Variants in DLGAP2 observed in about 807,000 individuals in gnomAD.
DLGAP2 encodes the protein disks large-associated protein 2.
DLGAP2 carries 26 observed loss-of-function variants against 100.3 expected under a neutral mutation model. The observed-to-expected ratio is 0.26, with a 90% CI of 0.19 to 0.36. The LOEUF (loss-of-function observed/expected upper bound fraction) is 0.36, where lower values mean the gene tolerates loss of function less well. Among genes scored for constraint, DLGAP2 ranks in the 10% least tolerant of loss-of-function variants. The probability of loss-of-function intolerance (pLI) is 1.00; values close to 1 mark genes in which losing one functional copy is unlikely to be tolerated. For synonymous variants in DLGAP2, 886 were observed against 630.1 expected, an observed-to-expected ratio of 1.41 and a Z score of -6.08; for missense variants, 1,858 against 1,453.2, an observed-to-expected ratio of 1.28 and a Z score of -4.53.
At chr8:768,889 A>G (rs1281257468) in intron 1 of DLGAP2, among the ~76,000 whole-genome samples, 1 of 152,160 alleles carries the variant, frequency 6.6e-6, no homozygotes, top group African/African-American at 2.4e-5. Flanking sequence ...AGGAGAACGC[A>G]GTCTGTGTGG....
At chr8:1,149,751 C>T (rs957445606) in intron 2 of DLGAP2, among the ~76,000 whole-genome samples, 1 of 152,308 alleles carries the variant, frequency 6.6e-6, no homozygotes, top group Admixed American at 6.5e-5. Context: ...CCCTTTCTTG[C>T]ATCCAGTTGT....
chr8:876,275 A>G (rs534595720), intron 1 of DLGAP2, among the ~76,000 whole-genome samples: 1 of 152,320 alleles, frequency 6.6e-6, no homozygotes, highest in African/African-American at 2.4e-5. Flanking sequence ...ACTTGCTTTC[A>G]GCCTCAAGAA....
rs1310068322 is a variant in DLGAP2 at position 1,027,991 on chromosome 8, A to G, written c.73+120025A>G. Among the ~76,000 whole-genome samples the G allele has an allele frequency of 8.2e-3, 646 of 78,898 alleles. 1 individual carries two copies. Among genetic ancestry groups the G allele is most frequent in the Middle Eastern group, 0.024 (2 of 82 alleles). The allele number at this position is 78,898 out of a possible 152,430, so 51.8% of individuals were successfully genotyped here. ...TCTCTAGGTGGGGTGTCAGGCGCCC[A>G]TTATTCTCCAGGAGCAGTGCCAGGT... is the stretch of plus-strand genomic sequence containing the variant. On this transcript the variant is annotated intron_variant, in intron 2 of 14. Transcript: ENST00000637795.
chr8:903,869 C>T (rs964335970), intron 1 of DLGAP2, among the ~76,000 whole-genome samples: 8 of 152,224 alleles, frequency 5.3e-5, no homozygotes, highest in African/African-American at 1.9e-4. Flanking sequence ...CAGACTGCCG[C>T]GTTCCACAGG....
chr8:1,328,944 A>G (rs778903782), intron 3 of DLGAP2, among the ~76,000 whole-genome samples: 8 of 152,228 alleles, frequency 5.3e-5, no homozygotes, highest in Non-Finnish European at 1.2e-4. Flanking sequence ...TGCAGCACTA[A>G]CACTCTGAGT....
chr8:1,262,729 C>CA (rs1339333009), intron 3 of DLGAP2: 1 of 152,080 alleles, frequency 6.6e-6, no homozygotes. Flanking sequence ...CTTGACATAG[C>CA]AAAAATCCGT....
chr8:1,244,251 C>T (rs1798859945), intron 2 of DLGAP2, among the ~76,000 whole-genome samples: 1 of 152,208 alleles, frequency 6.6e-6, no homozygotes, highest in Non-Finnish European at 1.5e-5. Context: ...CACCCTAGTG[C>T]CCGGCATAGA....
chr8:903,627 C>T (rs1187914626), intron 1 of DLGAP2, among the ~76,000 whole-genome samples: 1 of 152,114 alleles, frequency 6.6e-6, no homozygotes, highest in African/African-American at 2.4e-5. Context: ...GTTCATGGGG[C>T]CACTGAGACC....
Position 1,336,047 on chromosome 8 carries a change from G to A in DLGAP2, c.106+77164G>A, listed in dbSNP as rs151267400. On this transcript the variant is annotated intron_variant, in intron 3 of 14. Coordinates refer to ENST00000637795, the MANE Select transcript of DLGAP2 (RefSeq NM_001346810.2). ...AAAGAAACTCTGAGCGGTGCTGGGC[G>A]TTCAGCCCGTCTCATGTCAAGCCTG... 3.1e-3 allele frequency among the ~76,000 whole-genome samples: 472 copies of A among 152,346 alleles called. 1 individual carries two copies. The highest frequency in any genetic ancestry group is 0.011 in the African/African-American group (452 of 41,582).
chr8:1,430,009 TATATATATATATATATATACAC>T lies in DLGAP2; in HGVS notation c.107-71355_107-71334del, dbSNP rs142435826. Among the ~76,000 whole-genome samples the T allele has an allele frequency of 1.1e-4, 7 of 61,352 alleles. 1 individual carries two copies. Among genetic ancestry groups the T allele is most frequent in the South Asian group, 5.0e-4 (1 of 2,000 alleles). 40.2% of individuals were successfully genotyped at this position (61,352 alleles called of 152,430 possible). A position where few individuals can be genotyped will look rare whatever the true frequency, so the allele number is the denominator to read the frequency against. On this transcript the variant is annotated intron_variant, in intron 3 of 14. Transcript: ENST00000637795. ...AAGGGGAGAGATGCATATATATACA[TATATATATATATATATATACAC>T]ACACACACATATGAACTTAGAATTC...
At chr8:1,691,199 T>G (rs1275501644) in intron 12 of DLGAP2, among the ~76,000 whole-genome samples, 2 of 152,216 alleles carry the variant, frequency 1.3e-5, no homozygotes, top group Non-Finnish European at 2.9e-5. Flanking sequence ...CACGTGTTCT[T>G]GTGTCTTCCA....
At position 1,319,108 on chromosome 8, in the gene DLGAP2, G is replaced by A. The variant is rs549427696; in HGVS notation, c.106+60225G>A. Reference sequence around the variant, plus strand: ...GGGATTAGCGGCCTCTGAGGTCTCCGAGGGCTGGAGGGCCAAGCTCAGCTG... The same window carrying A: ...GGGATTAGCGGCCTCTGAGGTCTCCAAGGGCTGGAGGGCCAAGCTCAGCTG... On this transcript the variant is annotated intron_variant, in intron 3 of 14. Coordinates refer to ENST00000637795, the MANE Select transcript of DLGAP2 (RefSeq NM_001346810.2). Among the ~76,000 whole-genome samples the A allele has an allele frequency of 6.8e-4, 103 of 152,208 alleles. 1 individual carries two copies. Among genetic ancestry groups the A allele is most frequent in the Non-Finnish European group, 1.1e-3 (76 of 68,014 alleles).
At chr8:1,284,543 G>A (rs938868823) in intron 3 of DLGAP2, among the ~76,000 whole-genome samples, 2 of 152,162 alleles carry the variant, frequency 1.3e-5, no homozygotes, top group Non-Finnish European at 2.9e-5. Flanking sequence ...CGCTTTCAGT[G>A]TTGCCTGTTT....
At chr8:1,647,031 G>A (rs1200486606) in intron 8 of DLGAP2, among the ~76,000 whole-genome samples, 2 of 152,236 alleles carry the variant, frequency 1.3e-5, no homozygotes, top group South Asian at 4.1e-4. Flanking sequence ...CTCAGGCTTT[G>A]GCTCATCTGA....
chr8:1,451,444 C>A (rs1331336707), intron 3 of DLGAP2, among the ~76,000 whole-genome samples: 1 of 152,112 alleles, frequency 6.6e-6, no homozygotes, highest in East Asian at 1.9e-4. Context: ...CAGCCCAGCA[C>A]GCTCTGAAAG....
intron 3 of DLGAP2, among the ~76,000 whole-genome samples, chr8:1,487,191 G>A (rs1386703048): frequency 6.6e-6 from 1 of 152,226 alleles, no homozygotes. Context: ...GGCATGATTG[G>A]TCCGTGAATA....
At chr8:1,114,952 C>A (rs1296659776) in intron 2 of DLGAP2, among the ~76,000 whole-genome samples, 1 of 152,160 alleles carries the variant, frequency 6.6e-6, no homozygotes, top group African/African-American at 2.4e-5. Context: ...TCATTATTTA[C>A]CCAAAGTCAT....
At chr8:811,762 C>T (rs547257600) in intron 1 of DLGAP2, among the ~76,000 whole-genome samples, 51 of 152,264 alleles carry the variant, frequency 3.3e-4, no homozygotes, top group Admixed American at 3.1e-3. Context: ...TGCCAGGGCT[C>T]CTGCCGTGGT....
At chr8:1,273,660 T>A (rs150828075) in intron 3 of DLGAP2, among the ~76,000 whole-genome samples, 2,900 of 152,346 alleles carry the variant, frequency 0.019, 39 homozygotes, top group South Asian at 0.062. Flanking sequence ...ACTGCAGGCA[T>A]ATTTGGCCTG....
Sources: allele counts gnomAD v4.1 joint callset (sites outside exome capture counted in the v4.1 genomes callset), GRCh38; gene constraint gnomAD v4.1.1; transcripts MANE v1.5; gene names NCBI Gene and HGNC (gene_info 2026-07-23, HGNC 2026-07-21).